Variants in XKR9 observed in about 807,000 individuals in gnomAD.
The protein encoded by XKR9 is XK-related protein 9.
In XKR9, 32 loss-of-function variants were observed where a neutral mutation model predicts 32.0. The ratio of observed to expected loss-of-function variants is 1.00; its 90% CI spans 0.76 to 1.34. XKR9 has a LOEUF of 1.34. Among genes scored for constraint, XKR9 ranks in the 40% most tolerant of loss-of-function variants. The pLI is 0.00. For missense variants in XKR9, 546 were observed against 429.7 expected, an observed-to-expected ratio of 1.27 and a Z score of -2.39; for synonymous variants, 168 against 143.4, an observed-to-expected ratio of 1.17 and a Z score of -1.22.
chr8:70,770,712 G>T (rs1193827797), intron 2 of XKR9, among the ~76,000 whole-genome samples: 1 of 152,174 alleles, frequency 6.6e-6, no homozygotes, highest in Non-Finnish European at 1.5e-5. Flanking sequence ...TGTTTACACT[G>T]TGAGGGGAAA....
At chr8:71,029,094 G>A in the XKR9 span, among the ~76,000 whole-genome samples, 1 of 152,148 alleles carries the variant, frequency 6.6e-6, no homozygotes, top group Admixed American at 6.5e-5. Context: ...GAGCTGTTCT[G>A]TGGCAGCAGG....
the XKR9 span, among the ~76,000 whole-genome samples, chr8:70,998,308 C>T: frequency 3.3e-5 from 5 of 152,294 alleles, no homozygotes; most frequent in Admixed American, 2.6e-4. Context: ...GGACTCCTGC[C>T]AACCTGCAGG....
intron 4 of XKR9, among the ~76,000 whole-genome samples, chr8:70,715,786 A>G (rs574120018): frequency 6.6e-6 from 1 of 152,344 alleles, no homozygotes; most frequent in South Asian, 2.1e-4. Context: ...CAGTGAAATT[A>G]AAACAGAACA....
chr8:71,036,579 A>T, the XKR9 span, among the ~76,000 whole-genome samples: 1 of 152,172 alleles, frequency 6.6e-6, no homozygotes, highest in Non-Finnish European at 1.5e-5. Context: ...GTCCTTGGAC[A>T]TCTATGAGCC....
chr8:70,866,517 G>A, the XKR9 span, among the ~76,000 whole-genome samples: 1 of 152,316 alleles, frequency 6.6e-6, no homozygotes, highest in Admixed American at 6.5e-5. Flanking sequence ...CATTTCTGCT[G>A]AGTTTGAGAG....
chr8:70,856,028 A>G, the XKR9 span, among the ~76,000 whole-genome samples: 2 of 152,222 alleles, frequency 1.3e-5, no homozygotes, highest in East Asian at 1.9e-4. Context: ...AAAACATTCC[A>G]AATTGTAAAG....
At chr8:70,702,157 G>A (rs533912118) in intron 3 of XKR9, among the ~76,000 whole-genome samples, 1 of 152,162 alleles carries the variant, frequency 6.6e-6, no homozygotes, top group East Asian at 1.9e-4. Context: ...AGGTCATGTA[G>A]TTATGTTCAA....
chr8:70,884,161 C>T, the XKR9 span, among the ~76,000 whole-genome samples: 2 of 152,098 alleles, frequency 1.3e-5, no homozygotes, highest in Non-Finnish European at 2.9e-5. Flanking sequence ...TTCTCATATG[C>T]TTGTTCATAA....
chr8:70,769,734 C>G (rs1384581251), intron 2 of XKR9, among the ~76,000 whole-genome samples: 1 of 151,634 alleles, frequency 6.6e-6, no homozygotes, highest in Non-Finnish European at 1.5e-5. Context: ...CGATTTGACT[C>G]TTGATACTTG....
chr8:71,004,578 G>A, the XKR9 span, among the ~76,000 whole-genome samples: 1 of 152,194 alleles, frequency 6.6e-6, no homozygotes, highest in Non-Finnish European at 1.5e-5. Flanking sequence ...GCAAGAGTAT[G>A]GGAGAATCTT....
intron 3 of XKR9, among the ~76,000 whole-genome samples, chr8:70,698,339 T>A (rs921942144): frequency 3.9e-5 from 6 of 152,210 alleles, no homozygotes; most frequent in Admixed American, 2.0e-4. Flanking sequence ...TAAATTTCCC[T>A]CTACACACTG....
At chr8:70,809,136 C>A in the XKR9 span, among the ~76,000 whole-genome samples, 4 of 152,158 alleles carry the variant, frequency 2.6e-5, no homozygotes, top group Admixed American at 1.3e-4. Flanking sequence ...TTGCTGTTCA[C>A]CAATATCCGC....
At chr8:70,858,853 A>G in the XKR9 span, among the ~76,000 whole-genome samples, 1 of 152,180 alleles carries the variant, frequency 6.6e-6, no homozygotes, top group Non-Finnish European at 1.5e-5. Flanking sequence ...ACAAAAATCA[A>G]ATTAAAATGG....
chr8:71,029,781 G>GA, the XKR9 span, among the ~76,000 whole-genome samples: 66 of 144,178 alleles, frequency 4.6e-4, no homozygotes, highest in Middle Eastern at 3.5e-3. Flanking sequence ...GCTTTTAGAT[G>GA]AAAAAAAAAA....
chr8:70,949,011 A>G, the XKR9 span, among the ~76,000 whole-genome samples: 15 of 152,342 alleles, frequency 9.8e-5, no homozygotes, highest in African/African-American at 3.4e-4. Flanking sequence ...AAGAAAAGTG[A>G]TATGGAATAT....
At chr8:70,823,282 G>A in the XKR9 span, among the ~76,000 whole-genome samples, 2 of 152,138 alleles carry the variant, frequency 1.3e-5, no homozygotes, top group South Asian at 4.1e-4. Context: ...TAACTAAGTA[G>A]TTAATTCCTA....
At chr8:70,883,473 C>T in the XKR9 span, among the ~76,000 whole-genome samples, 1 of 151,952 alleles carries the variant, frequency 6.6e-6, no homozygotes, top group African/African-American at 2.4e-5. Context: ...ATAATGACTT[C>T]TTTCCTTTGG....
At chr8:71,049,812 C>T in the XKR9 span, among the ~76,000 whole-genome samples, 10 of 152,106 alleles carry the variant, frequency 6.6e-5, no homozygotes, top group South Asian at 6.2e-4. Flanking sequence ...GGGAGGGCCT[C>T]CCAGGCAAGA....
At chr8:70,781,253 A>G (rs1267924435) in intron 2 of XKR9, among the ~76,000 whole-genome samples, 1 of 151,978 alleles carries the variant, frequency 6.6e-6, no homozygotes, top group African/African-American at 2.4e-5. Context: ...TCTGTTATCC[A>G]TTTTAAATTG....
Sources: gnomAD v4.1 joint callset for allele counts (sites outside exome capture counted in the v4.1 genomes callset) on GRCh38, gnomAD v4.1.1 for gene constraint, MANE v1.5 for transcripts, NCBI Gene and HGNC (gene_info 2026-07-23, HGNC 2026-07-21) for gene names.